KLF12: variants seen among roughly 807,000 people sequenced by gnomAD.
The protein encoded by KLF12 is Krueppel-like factor 12.
In KLF12, 9 loss-of-function variants were observed where a neutral mutation model predicts 37.8. The observed-to-expected ratio is 0.24, with a 90% CI of 0.14 to 0.42. KLF12 has a LOEUF of 0.42. Ranked by LOEUF, KLF12 falls within the 10% of genes least tolerant of loss-of-function variation. The pLI, the probability that KLF12 is intolerant of heterozygous loss-of-function variation, is 1.00. For missense variants in KLF12, 411 were observed against 516.0 expected (o/e 0.80, Z 1.97); for synonymous variants, 208 against 202.1 (o/e 1.03, Z -0.25).
chr13:73,699,869 C>A (rs937428779), intron 7 of KLF12, among the ~76,000 whole-genome samples: 7 of 152,026 alleles, frequency 4.6e-5, no homozygotes, highest in African/African-American at 1.7e-4. Flanking sequence ...GAAGTGTGAT[C>A]AAGTGTAATA....
chr13:73,813,277 G>T lies in KLF12; in HGVS notation c.681C>A (p.Asp227Glu), dbSNP rs750500573. 3 of 1,613,940 alleles carry T rather than the reference G, an allele frequency of 1.9e-6. No individual in the cohort carries two copies. The highest frequency in any genetic ancestry group is 1.1e-5 in the South Asian group (1 of 91,072). The change falls in exon 5 of 8, where the codon GAC becomes GAA. Residue 227 changes from aspartate to glutamate, a missense_variant. Physicochemically the swap from Asp to Glu is conservative, Grantham distance 45 (BLOSUM62 2). Transcript: ENST00000377669. ...TTTGTCTGGGAGATAGGCCTCGGGG[G>T]TCCATTTGTGCTGGAGAGAAAAGGC...
At chr13:73,825,903 G>A (rs1243570144) in intron 4 of KLF12, among the ~76,000 whole-genome samples, 2 of 152,044 alleles carry the variant, frequency 1.3e-5, no homozygotes, top group Non-Finnish European at 2.9e-5. Context: ...TAATAAGAGA[G>A]TAGCTAAGCT....
At chr13:73,775,512 G>C (rs990035216) in intron 5 of KLF12, among the ~76,000 whole-genome samples, 1 of 152,074 alleles carries the variant, frequency 6.6e-6, no homozygotes, top group Non-Finnish European at 1.5e-5. Context: ...CCTGATAATT[G>C]CTTCAATTTT....
chr13:73,905,338 C>T (rs969759247), intron 3 of KLF12, among the ~76,000 whole-genome samples: 2 of 149,832 alleles, frequency 1.3e-5, no homozygotes, highest in African/African-American at 5.1e-5. Flanking sequence ...ACAGCGCTAA[C>T]CTTTTTTATG....
intron 1 of KLF12, among the ~76,000 whole-genome samples, chr13:74,059,779 T>C (rs562906724): frequency 6.6e-6 from 1 of 152,362 alleles, no homozygotes; most frequent in African/African-American, 2.4e-5. Context: ...GCTTTTTAAC[T>C]TAAGTTCCAT....
intron 1 of KLF12, among the ~76,000 whole-genome samples, chr13:74,132,917 C>T (rs1269230609): frequency 6.6e-6 from 1 of 152,144 alleles, no homozygotes; most frequent in African/African-American, 2.4e-5. Flanking sequence ...ACGTGAACAC[C>T]AACTAATGTC....
the KLF12 span, among the ~76,000 whole-genome samples, chr13:74,143,443 T>G: frequency 6.6e-6 from 1 of 152,126 alleles, no homozygotes; most frequent in African/African-American, 2.4e-5. Flanking sequence ...TAAATGACAC[T>G]CCTATTTTTT....
At chr13:73,950,216 T>C (rs749043083) in intron 2 of KLF12, among the ~76,000 whole-genome samples, 15 of 152,216 alleles carry the variant, frequency 9.9e-5, no homozygotes, top group Non-Finnish European at 1.9e-4. Context: ...CTATTAGTGA[T>C]AGTTGCTGAA....
intron 5 of KLF12, among the ~76,000 whole-genome samples, chr13:73,765,438 C>T (rs1269089545): frequency 6.6e-6 from 1 of 152,086 alleles, no homozygotes; most frequent in African/African-American, 2.4e-5. Flanking sequence ...ACATTTAAAA[C>T]TCTAGGAAGC....
At chr13:74,032,009 C>T (rs1449851601) in intron 1 of KLF12, among the ~76,000 whole-genome samples, 1 of 152,092 alleles carries the variant, frequency 6.6e-6, no homozygotes, top group African/African-American at 2.4e-5. Context: ...TACACCATGT[C>T]CAAAGCCCCA....
the KLF12 span, among the ~76,000 whole-genome samples, chr13:74,168,611 A>G: frequency 3.3e-5 from 5 of 152,208 alleles, no homozygotes; most frequent in Non-Finnish European, 5.9e-5. Context: ...CAGCAAACAC[A>G]GTGACTGCAG....
the KLF12 span, among the ~76,000 whole-genome samples, chr13:74,180,424 C>A: frequency 5.3e-5 from 8 of 152,130 alleles, no homozygotes; most frequent in East Asian, 3.9e-4. Context: ...AATGAAGTGA[C>A]CTATTTAGCA....
In KLF12 at chr13:73,907,838, T is replaced by C. The variant is rs575366097; in HGVS notation, c.123+36143A>G. On this transcript the variant is annotated intron_variant, in intron 3 of 7. Transcript: ENST00000377669. ...TAAGTCATTACAACGACCCACATGATTGACCCTCTCCCTTCCTTCTAGCAA... is the reference window on the plus strand; with the variant it reads ...TAAGTCATTACAACGACCCACATGACTGACCCTCTCCCTTCCTTCTAGCAA... 2.8e-4 allele frequency among the ~76,000 whole-genome samples: 42 copies of C among 152,276 alleles called. No individual in the cohort carries two copies. The Middle Eastern group carries it at 0.014, about 49-fold the overall frequency.
chr13:74,229,691 T>C, the KLF12 span, among the ~76,000 whole-genome samples: 4 of 152,284 alleles, frequency 2.6e-5, no homozygotes, highest in East Asian at 1.9e-4. Context: ...TTCCATTTTT[T>C]CATAGGTACT....
intron 4 of KLF12, among the ~76,000 whole-genome samples, chr13:73,829,914 A>G (rs557359366): frequency 2.2e-4 from 34 of 152,376 alleles, no homozygotes; most frequent in African/African-American, 7.9e-4. Context: ...TTGTAAATGG[A>G]CAAAACTGTA....
chr13:74,300,679 T>G, the KLF12 span, among the ~76,000 whole-genome samples: 1 of 152,174 alleles, frequency 6.6e-6, no homozygotes, highest in Non-Finnish European at 1.5e-5. Flanking sequence ...TATATAAAAT[T>G]CATCCTTGCA....
In KLF12 at chr13:73,754,040, T is replaced by C. The variant is rs528791840; in HGVS notation, c.869+10898A>G. Among the ~76,000 whole-genome samples, 6 of 152,244 alleles carry C rather than the reference T, an allele frequency of 3.9e-5. No individual in the cohort carries two copies. In the East Asian group the frequency reaches 1.2e-3, roughly 29 times the overall value. On this transcript the variant is annotated intron_variant, in intron 6 of 7. Coordinates refer to ENST00000377669, the MANE Select transcript of KLF12 (RefSeq NM_007249.5). Reference sequence around the variant, plus strand: ...GCAGACATGGAAACTCACACACATATTCTCTTCATATTTTCTCACCTTTCT... The same window carrying C: ...GCAGACATGGAAACTCACACACATACTCTCTTCATATTTTCTCACCTTTCT...
chr13:74,280,956 T>C, the KLF12 span, among the ~76,000 whole-genome samples: 5 of 151,894 alleles, frequency 3.3e-5, no homozygotes, highest in South Asian at 6.2e-4. Flanking sequence ...ATATGTCTGA[T>C]ACTCTCTCCC....
chr13:74,025,634 A>T (rs760736241), intron 1 of KLF12, among the ~76,000 whole-genome samples: 3 of 152,152 alleles, frequency 2.0e-5, no homozygotes, highest in Non-Finnish European at 4.4e-5. Flanking sequence ...ACTGCATAGG[A>T]CATAATCATC....
Sources: gnomAD v4.1 joint callset for allele counts (sites outside exome capture counted in the v4.1 genomes callset) on GRCh38, gnomAD v4.1.1 for gene constraint, MANE v1.5 for transcripts, NCBI Gene and HGNC (gene_info 2026-07-23, HGNC 2026-07-21) for gene names.